PDSS2: variants seen among roughly 807,000 people sequenced by gnomAD.
The protein encoded by PDSS2 is all trans-polyprenyl-diphosphate synthase PDSS2.
In PDSS2, 31 loss-of-function variants were observed where a neutral mutation model predicts 44.5. The ratio of observed to expected loss-of-function variants is 0.70; its 90% CI spans 0.52 to 0.94. The LOEUF is 0.94. Ranked by LOEUF, PDSS2 falls within the 40% of genes least tolerant of loss-of-function variation. PDSS2 has a pLI of 0.00. For missense variants in PDSS2, 452 were observed against 482.2 expected, an observed-to-expected ratio of 0.94 and a Z score of 0.59; for synonymous variants, 157 against 180.3, an observed-to-expected ratio of 0.87 and a Z score of 1.03.
At position 107,154,540 on chromosome 6, in the gene PDSS2, G is replaced by A. The variant is rs781785427; in HGVS notation, c.*79C>T. 20 of 1,263,068 alleles carry A rather than the reference G, an allele frequency of 1.6e-5. No individual in the cohort carries two copies. The highest frequency in any genetic ancestry group is 1.0e-4 in the African/African-American group (7 of 68,146). 78.2% of individuals were successfully genotyped at this position (1,263,068 alleles called of 1,614,324 possible). ...TGCATATGTTTTAAAAGTCATTAAC[G>A]CATCGTGAAAGCGCTCCCAATCAAC... On this transcript the variant is annotated 3_prime_UTR_variant, in exon 8 of 8. Coordinates refer to ENST00000369037, the MANE Select transcript of PDSS2 (RefSeq NM_020381.4).
chr6:107,365,637 T>C (rs1778938129), intron 1 of PDSS2, among the ~76,000 whole-genome samples: 1 of 152,024 alleles, frequency 6.6e-6, no homozygotes, highest in Non-Finnish European at 1.5e-5. Context: ...AAGGCACACT[T>C]TATAGAAAAA....
chr6:107,197,692 G>A, intron 6 of PDSS2: 1 of 367,118 alleles, frequency 2.7e-6, no homozygotes, highest in Non-Finnish European at 5.6e-6. Context: ...CACAAACTGG[G>A]AGTCCTAGAG....
chr6:107,406,021 A>G (rs1209429366), intron 1 of PDSS2, among the ~76,000 whole-genome samples: 3 of 152,184 alleles, frequency 2.0e-5, no homozygotes, highest in African/African-American at 7.2e-5. Flanking sequence ...CCATGTATCA[A>G]AACTGTACTT....
chr6:107,348,462 T>C (rs1778323542), intron 1 of PDSS2, among the ~76,000 whole-genome samples: 1 of 152,238 alleles, frequency 6.6e-6, no homozygotes, highest in Non-Finnish European at 1.5e-5. Flanking sequence ...GTGAAAGGGC[T>C]GATGGAACTC....
At chr6:107,229,156 AAG>A (rs141062494) in intron 4 of PDSS2, among the ~76,000 whole-genome samples, 2,796 of 152,228 alleles carry the variant, frequency 0.018, 74 homozygotes, top group African/African-American at 0.064. Context: ...TTTTAACTCC[AAG>A]GAAAAAAAAT....
At position 107,172,498 on chromosome 6, in the gene PDSS2, G is replaced by A. The variant is rs1771615294; in HGVS notation, c.1042-17721C>T. ...TTGAACCTGGGAGGCAGAGGTTGCAGTGAGCTGACATTGCGCCATTGCACT... is the reference window on the plus strand; with the variant it reads ...TTGAACCTGGGAGGCAGAGGTTGCAATGAGCTGACATTGCGCCATTGCACT... On this transcript the variant is annotated intron_variant, in intron 7 of 7. Transcript: ENST00000369037. Among the ~76,000 whole-genome samples, 7 of 152,242 alleles carry A rather than the reference G, an allele frequency of 4.6e-5. No individual in the cohort carries two copies. The South Asian group carries it at 1.4e-3, about 32-fold the overall frequency.
chr6:107,433,422 A>C (rs1314642760), intron 1 of PDSS2, among the ~76,000 whole-genome samples: 1 of 152,232 alleles, frequency 6.6e-6, no homozygotes. Flanking sequence ...AAACAGACAC[A>C]TTAACCAATG....
intron 1 of PDSS2, among the ~76,000 whole-genome samples, chr6:107,363,685 C>T (rs1778859422): frequency 6.6e-6 from 1 of 152,162 alleles, no homozygotes; most frequent in Admixed American, 6.5e-5. Context: ...AATACTGGCT[C>T]GGGCAGCCTG....
intron 6 of PDSS2, among the ~76,000 whole-genome samples, chr6:107,201,506 T>A (rs1018069536): frequency 1.3e-5 from 2 of 151,924 alleles, no homozygotes; most frequent in Non-Finnish European, 2.9e-5. Flanking sequence ...AGATTCCCTG[T>A]TGGTAAGTAA....
intron 6 of PDSS2, among the ~76,000 whole-genome samples, chr6:107,195,806 CA>C (rs774678401): frequency 1.4e-4 from 22 of 152,152 alleles, no homozygotes; most frequent in African/African-American, 2.4e-5. Context: ...GTGATCCACC[CA>C]CCTCAGCCTC....
intron 7 of PDSS2, among the ~76,000 whole-genome samples, chr6:107,160,149 GA>G (rs1187422825): frequency 6.6e-6 from 1 of 152,190 alleles, no homozygotes; most frequent in Non-Finnish European, 1.5e-5. Context: ...TCAGGAAGTG[GA>G]GGTTACAGTG....
chr6:107,432,289 C>T (rs1208967570), intron 1 of PDSS2, among the ~76,000 whole-genome samples: 1 of 152,146 alleles, frequency 6.6e-6, no homozygotes, highest in Non-Finnish European at 1.5e-5. Context: ...GAGACATTAC[C>T]CTGATCATTT....
intron 1 of PDSS2, among the ~76,000 whole-genome samples, chr6:107,419,801 G>C (rs756156075): frequency 5.3e-5 from 8 of 152,166 alleles, no homozygotes; most frequent in African/African-American, 1.2e-4. Context: ...GCATCTTTTG[G>C]TTAACTTAGC....
At chr6:107,399,818 T>G (rs1780053103) in intron 1 of PDSS2, among the ~76,000 whole-genome samples, 1 of 152,130 alleles carries the variant, frequency 6.6e-6, no homozygotes, top group Non-Finnish European at 1.5e-5. Flanking sequence ...CCTAGGAAAT[T>G]TTTATATCAG....
intron 4 of PDSS2, among the ~76,000 whole-genome samples, chr6:107,244,445 C>T (rs1774543225): frequency 6.6e-6 from 1 of 152,178 alleles, no homozygotes; most frequent in South Asian, 2.1e-4. Context: ...AGATATTAAC[C>T]TCCATCCATA....
intron 2 of PDSS2, among the ~76,000 whole-genome samples, chr6:107,320,163 T>C (rs538473081): frequency 6.6e-6 from 1 of 152,308 alleles, no homozygotes; most frequent in South Asian, 2.1e-4. Context: ...TTCTACTATA[T>C]TGGATAGTGT....
chr6:107,260,499 T>C (rs1262890147), intron 3 of PDSS2, among the ~76,000 whole-genome samples: 1 of 152,174 alleles, frequency 6.6e-6, no homozygotes, highest in East Asian at 1.9e-4. Context: ...GCTTATGGTA[T>C]TCAAATTCAG....
chr6:107,224,610 G>T (rs76815263), intron 4 of PDSS2, among the ~76,000 whole-genome samples: 7,974 of 151,160 alleles, frequency 0.053, 1,026 homozygotes, highest in African/African-American at 0.19. Context: ...AATATATATA[G>T]AGAGAGTAAA....
intron 4 of PDSS2, among the ~76,000 whole-genome samples, chr6:107,217,372 C>G (rs1482056474): frequency 3.3e-5 from 5 of 151,906 alleles, no homozygotes; most frequent in African/African-American, 1.2e-4. Flanking sequence ...GAGGGAGGCA[C>G]AGTCAAAGTC....
Sources: gnomAD v4.1 joint callset for allele counts (sites outside exome capture counted in the v4.1 genomes callset) on GRCh38, gnomAD v4.1.1 for gene constraint, MANE v1.5 for transcripts, NCBI Gene and HGNC (gene_info 2026-07-23, HGNC 2026-07-21) for gene names.